The following SLC26A8 variants were observed in gnomAD, a reference collection of about 807,000 sequenced individuals.
SLC26A8 encodes the protein solute carrier family 26 member 8.
A neutral mutation model predicts 105.0 loss-of-function variants in SLC26A8; 70 were observed. The observed-to-expected ratio is 0.67, with a 90% CI of 0.55 to 0.81. SLC26A8 has a LOEUF of 0.81. SLC26A8 is among the 40% of genes least tolerant of loss of function. The pLI is 0.00. For missense variants in SLC26A8, 998 were observed against 1,181.8 expected (o/e 0.84, Z 2.28); for synonymous variants, 415 against 438.3 (o/e 0.95, Z 0.66).
At chr6:35,951,957 A>G (rs1771892970) in intron 17 of SLC26A8, among the ~76,000 whole-genome samples, 1 of 152,166 alleles carries the variant, frequency 6.6e-6, no homozygotes. Flanking sequence ...AGCTCTACAA[A>G]CATTTGATGA....
chr6:35,965,429 A>G (rs1424056504), intron 11 of SLC26A8, among the ~76,000 whole-genome samples: 1 of 152,182 alleles, frequency 6.6e-6, no homozygotes, highest in Non-Finnish European at 1.5e-5. Flanking sequence ...CTGTAATCCC[A>G]GCACTTTGGG....
At chr6:35,971,446 C>T (rs1476298568) in intron 10 of SLC26A8, among the ~76,000 whole-genome samples, 1 of 152,202 alleles carries the variant, frequency 6.6e-6, no homozygotes, top group Non-Finnish European at 1.5e-5. Flanking sequence ...TGCAGACCCT[C>T]AGGCATCAAT....
intron 19 of SLC26A8, among the ~76,000 whole-genome samples, chr6:35,946,617 CAT>C (rs1393374037): frequency 2.0e-5 from 3 of 152,324 alleles, no homozygotes; most frequent in African/African-American, 7.2e-5. Flanking sequence ...AAACAATTGA[CAT>C]ATTCAATACC....
chr6:35,959,891 G>T, intron 14 of SLC26A8, 85 bp from the exon 15 acceptor site: 1 of 1,043,798 alleles, frequency 9.6e-7, no homozygotes, highest in Non-Finnish European at 1.4e-6. Flanking sequence ...CTCCTAGAGA[G>T]TCTGTATTCT....
chr6:35,955,634 TC>T, intron 16 of SLC26A8, 114 bp from the exon 17 acceptor site: 1 of 1,362,760 alleles, frequency 7.3e-7, no homozygotes, highest in Non-Finnish European at 1.0e-6. Context: ...TCATGAAACT[TC>T]TCCCGAGAGT....
chr6:35,999,927 G>A (rs1482582517), intron 4 of SLC26A8, 65 bp downstream of exon 4: 2 of 1,099,122 alleles, frequency 1.8e-6, no homozygotes, highest in African/African-American at 3.1e-5. Flanking sequence ...GGGTACCTTA[G>A]CAATAAGTAT....
At chr6:35,991,120 G>A (rs1761137061) in intron 7 of SLC26A8, among the ~76,000 whole-genome samples, 1 of 152,142 alleles carries the variant, frequency 6.6e-6, no homozygotes, top group Non-Finnish European at 1.5e-5. Context: ...TGATAATTAG[G>A]CCAGGCGTGG....
chr6:35,991,401 CAAA>C (rs10717911), intron 7 of SLC26A8, among the ~76,000 whole-genome samples: 9 of 100,446 alleles, frequency 9.0e-5, no homozygotes, highest in African/African-American at 1.9e-4. Flanking sequence ...AAGACTCTGT[CAAA>C]AAAAAAAAAA....
chr6:35,979,650 C>T (rs73405829), intron 8 of SLC26A8, among the ~76,000 whole-genome samples: 11,014 of 152,184 alleles, frequency 0.072, 469 homozygotes, highest in Middle Eastern at 0.099. Flanking sequence ...AAGAGGTACA[C>T]AGTAAATGTA....
chr6:36,002,055 T>G (rs184918651), intron 3 of SLC26A8, among the ~76,000 whole-genome samples: 436 of 152,374 alleles, frequency 2.9e-3, no homozygotes, highest in African/African-American at 9.3e-3. Flanking sequence ...ATATGTCTCT[T>G]AAGTCTCTTG....
chr6:35,976,338 C>T (rs574482353), intron 9 of SLC26A8, among the ~76,000 whole-genome samples: 59 of 151,530 alleles, frequency 3.9e-4, no homozygotes, highest in African/African-American at 1.4e-3. Flanking sequence ...GCAGGAGAAT[C>T]GCTTGAACCT....
intron 1 of SLC26A8, among the ~76,000 whole-genome samples, chr6:36,020,830 G>A (rs990087623): frequency 1.3e-5 from 2 of 152,028 alleles, no homozygotes; most frequent in Non-Finnish European, 1.5e-5. Flanking sequence ...AAATATATTG[G>A]TAAACCCTCA....
At chr6:36,021,387 A>G (rs952425002) in intron 1 of SLC26A8, among the ~76,000 whole-genome samples, 3 of 150,914 alleles carry the variant, frequency 2.0e-5, no homozygotes, top group Non-Finnish European at 3.0e-5. Flanking sequence ...CTTTCCCCGT[A>G]TAATTGTCCA....
At chr6:35,980,685 G>A (rs1206831085) in intron 8 of SLC26A8, among the ~76,000 whole-genome samples, 1 of 152,144 alleles carries the variant, frequency 6.6e-6, no homozygotes, top group Non-Finnish European at 1.5e-5. Context: ...AACTGGGTAG[G>A]TTATGAGACT....
At position 35,943,671 on chromosome 6, in the gene SLC26A8, T is replaced by C; in HGVS notation, c.*229A>G. On this transcript the variant is annotated 3_prime_UTR_variant, in exon 20 of 20. Transcript: ENST00000490799. ...ACTAGAATATATGCTGAAGGTGAAA[T>C]GAGGGGAGCCTGGATAGGGAATTCA... is the stretch of plus-strand genomic sequence containing the variant. 1 of 554,922 alleles carries C rather than the reference T, an allele frequency of 1.8e-6. No homozygotes were observed. The highest frequency in any genetic ancestry group is 3.1e-6 in the Non-Finnish European group (1 of 324,256). The allele number at this position is 554,922 out of a possible 1,614,324, so 34.4% of individuals were successfully genotyped here.
intron 3 of SLC26A8, among the ~76,000 whole-genome samples, 167 bp from the exon 4 acceptor site, chr6:36,000,275 C>T (rs1761483502): frequency 6.6e-6 from 1 of 152,144 alleles, no homozygotes; most frequent in Non-Finnish European, 1.5e-5. Context: ...TTATTATCTT[C>T]TTTGATTCCT....
chr6:35,970,626 C>T (rs1472899677), intron 10 of SLC26A8, among the ~76,000 whole-genome samples: 1 of 152,218 alleles, frequency 6.6e-6, no homozygotes, highest in Admixed American at 6.5e-5. Context: ...TTCATTAGCA[C>T]AGGAAATCTA....
At chr6:35,945,041 G>C (rs1450082729) in intron 19 of SLC26A8, among the ~76,000 whole-genome samples, 3 of 152,044 alleles carry the variant, frequency 2.0e-5, no homozygotes, top group South Asian at 4.2e-4. Context: ...GTAGAGACAG[G>C]GTTTCACCAT....
At chr6:35,996,049 G>A (rs537099715) in intron 5 of SLC26A8, among the ~76,000 whole-genome samples, 1 of 152,176 alleles carries the variant, frequency 6.6e-6, no homozygotes, top group Non-Finnish European at 1.5e-5. Flanking sequence ...ACAAGCTCTA[G>A]GCTAAATACT....
Sources: allele counts gnomAD v4.1 joint callset (sites outside exome capture counted in the v4.1 genomes callset), GRCh38; gene constraint gnomAD v4.1.1; transcripts MANE v1.5; gene names NCBI Gene and HGNC (gene_info 2026-07-23, HGNC 2026-07-21).